The following ABTB3 variants were observed in gnomAD, a reference collection of about 807,000 sequenced individuals.
The protein encoded by ABTB3 is ankyrin repeat- and BTB/POZ domain-containing protein 3.
the ABTB3 span, among the ~76,000 whole-genome samples, chr12:107,489,627 C>T: frequency 1.3e-5 from 2 of 152,210 alleles, no homozygotes; most frequent in East Asian, 1.9e-4. Context: ...TTCACAGAAG[C>T]CATGTGTGTG....
the ABTB3 span, among the ~76,000 whole-genome samples, chr12:107,613,651 A>G: frequency 3.3e-5 from 5 of 152,092 alleles, no homozygotes; most frequent in Non-Finnish European, 7.4e-5. Flanking sequence ...CTCAGTTAAT[A>G]TTGGTCCCTC....
the ABTB3 span, among the ~76,000 whole-genome samples, chr12:107,492,809 A>C: frequency 3.2e-4 from 49 of 152,058 alleles, no homozygotes; most frequent in African/African-American, 1.1e-3. Context: ...ACAGGGAAAA[A>C]CCTAGTGCCA....
the ABTB3 span, among the ~76,000 whole-genome samples, chr12:107,492,842 T>G: frequency 6.6e-6 from 1 of 152,234 alleles, no homozygotes; most frequent in Non-Finnish European, 1.5e-5. Context: ...TTTATGAGCT[T>G]TGTGCCCTTG....
chr12:107,429,170 C>T, the ABTB3 span, among the ~76,000 whole-genome samples: 1 of 152,196 alleles, frequency 6.6e-6, no homozygotes, highest in African/African-American at 2.4e-5. Flanking sequence ...TGGCAGGCAT[C>T]CATTCTCTCC....
At chr12:107,414,004 A>C in the ABTB3 span, among the ~76,000 whole-genome samples, 2 of 152,228 alleles carry the variant, frequency 1.3e-5, no homozygotes, top group Admixed American at 1.3e-4. Flanking sequence ...GGCACACAAG[A>C]GAAAAGAAGG....
At chr12:107,532,324 C>A in the ABTB3 span, among the ~76,000 whole-genome samples, 3,468 of 152,304 alleles carry the variant, frequency 0.023, 156 homozygotes, top group African/African-American at 0.08. Flanking sequence ...CATCCAGGAG[C>A]CCAAGGACTG....
the ABTB3 span, among the ~76,000 whole-genome samples, chr12:107,494,862 C>T: frequency 5.9e-5 from 9 of 152,288 alleles, no homozygotes; most frequent in Non-Finnish European, 7.4e-5. Flanking sequence ...CACAGGGCCC[C>T]GAGGATCATT....
At chr12:107,587,509 G>A in the ABTB3 span, among the ~76,000 whole-genome samples, 9 of 152,154 alleles carry the variant, frequency 5.9e-5, no homozygotes, top group Non-Finnish European at 1.2e-4. Flanking sequence ...CCCTGGTGGC[G>A]GGGGAGCAGG....
chr12:107,617,980 TCTC>T, the ABTB3 span, among the ~76,000 whole-genome samples: 1 of 151,934 alleles, frequency 6.6e-6, no homozygotes, highest in African/African-American at 2.4e-5. Flanking sequence ...TGCCCCATCA[TCTC>T]CTCCATCCCC....
At chr12:107,351,853 C>T in the ABTB3 span, among the ~76,000 whole-genome samples, 1 of 152,006 alleles carries the variant, frequency 6.6e-6, no homozygotes, top group Non-Finnish European at 1.5e-5. Flanking sequence ...TTGTGTGTGA[C>T]CTGAGGCAAA....
At chr12:107,504,931 T>C in the ABTB3 span, among the ~76,000 whole-genome samples, 2 of 152,212 alleles carry the variant, frequency 1.3e-5, no homozygotes, top group Non-Finnish European at 2.9e-5. Context: ...TTAACACCTT[T>C]CTTTAACACT....
At chr12:107,338,836 G>C in the ABTB3 span, among the ~76,000 whole-genome samples, 2 of 152,170 alleles carry the variant, frequency 1.3e-5, no homozygotes, top group Non-Finnish European at 2.9e-5. Context: ...ATTTTTAAGA[G>C]ACAGAGTCTC....
At chr12:107,588,894 G>T in the ABTB3 span, among the ~76,000 whole-genome samples, 2 of 152,146 alleles carry the variant, frequency 1.3e-5, no homozygotes, top group Non-Finnish European at 2.9e-5. Context: ...TTGGAGCAAG[G>T]TTACCAGAGA....
the ABTB3 span, among the ~76,000 whole-genome samples, chr12:107,441,287 G>A: frequency 6.6e-6 from 1 of 152,144 alleles, no homozygotes; most frequent in South Asian, 2.1e-4. Flanking sequence ...GCCACAAAAA[G>A]GAATGAGATC....
At chr12:107,392,567 T>C in the ABTB3 span, among the ~76,000 whole-genome samples, 1 of 152,206 alleles carries the variant, frequency 6.6e-6, no homozygotes, top group Non-Finnish European at 1.5e-5. Context: ...TGGGACCCTC[T>C]CTTTGCCAGC....
the ABTB3 span, among the ~76,000 whole-genome samples, chr12:107,495,426 T>C: frequency 1.3e-5 from 2 of 152,204 alleles, no homozygotes; most frequent in Admixed American, 1.3e-4. Context: ...CAGTCCCAGC[T>C]GGAGGGAGGC....
At chr12:107,578,893 T>A in the ABTB3 span, among the ~76,000 whole-genome samples, 1 of 152,138 alleles carries the variant, frequency 6.6e-6, no homozygotes, top group Admixed American at 6.5e-5. Flanking sequence ...AATTGGTAAA[T>A]CTTAGTCTGT....
At chr12:107,357,863 G>A in the ABTB3 span, among the ~76,000 whole-genome samples, 1 of 152,146 alleles carries the variant, frequency 6.6e-6, no homozygotes, top group Non-Finnish European at 1.5e-5. Context: ...GTATTTCTGG[G>A]CATTTAAAGC....
chr12:107,468,396 A>G, the ABTB3 span, among the ~76,000 whole-genome samples: 1 of 152,158 alleles, frequency 6.6e-6, no homozygotes, highest in Non-Finnish European at 1.5e-5. Context: ...AAGGCGCTCC[A>G]GCTTCTAGCA....
Sources: allele counts gnomAD v4.1 joint callset (sites outside exome capture counted in the v4.1 genomes callset), GRCh38; gene constraint gnomAD v4.1.1; transcripts MANE v1.5; gene names NCBI Gene and HGNC (gene_info 2026-07-23, HGNC 2026-07-21).